The following CREB3L2 variants were observed in gnomAD, a reference collection of about 807,000 sequenced individuals.
CREB3L2 encodes the protein cyclic AMP-responsive element-binding protein 3-like protein 2.
Under a neutral mutation model 57.2 loss-of-function variants are expected in CREB3L2, and 23 were observed. That is an observed-to-expected ratio of 0.40 (90% CI 0.29 to 0.57). CREB3L2 has a LOEUF of 0.57. CREB3L2 is among the 20% of genes least tolerant of loss of function. The pLI is 0.42. For synonymous variants in CREB3L2, 268 were observed against 265.1 expected, an observed-to-expected ratio of 1.01 and a Z score of -0.11; for missense variants, 628 against 634.7, an observed-to-expected ratio of 0.99 and a Z score of 0.11.
intron 1 of CREB3L2, among the ~76,000 whole-genome samples, chr7:137,996,922 A>T (rs1801997178): frequency 6.6e-6 from 1 of 152,392 alleles, no homozygotes; most frequent in Admixed American, 6.5e-5. Flanking sequence ...TTAAAAGGAT[A>T]TAATCATGGC....
Position 137,928,366 on chromosome 7 carries a change from G to C in CREB3L2, c.103C>G (p.His35Asp). 6.2e-7 allele frequency: 1 copy of C among 1,612,916 alleles called. No homozygotes were observed. The highest frequency in any genetic ancestry group is 1.1e-5 in the South Asian group (1 of 90,912). The change falls in exon 2 of 12, where the codon CAC becomes GAC. Residue 35 changes from histidine to aspartate, a missense_variant and splice_region_variant. This residue lies in a region of CREB3L2 where 339 missense variants were observed against 355.4 expected (regional missense o/e 0.95). Coordinates refer to ENST00000330387, the MANE Select transcript of CREB3L2 (RefSeq NM_194071.4). ...AACTCATCCAGAAGTTCTGAGAAGT[G>C]CTACAAGAAACAAAGGAGGAAGAAC... ...GDGEALMYHTHFSELLDEFSQ... is the reference protein window; with the variant it reads ...GDGEALMYHTDFSELLDEFSQ...
chr7:137,899,532 G>A (rs1799709518), intron 8 of CREB3L2, among the ~76,000 whole-genome samples: 1 of 138,682 alleles, frequency 7.2e-6, no homozygotes, highest in Non-Finnish European at 1.5e-5. Context: ...AGGATCCAGA[G>A]AAACAGAGCC....
chr7:137,934,932 C>T (rs1412951598), intron 1 of CREB3L2, among the ~76,000 whole-genome samples: 1 of 152,204 alleles, frequency 6.6e-6, no homozygotes, highest in Non-Finnish European at 1.5e-5. Flanking sequence ...AGTTTTATCT[C>T]CCCATTATCT....
At chr7:137,930,398 C>G (rs909056441) in intron 1 of CREB3L2, among the ~76,000 whole-genome samples, 1 of 152,120 alleles carries the variant, frequency 6.6e-6, no homozygotes, top group Non-Finnish European at 1.5e-5. Flanking sequence ...GTAAGCAATA[C>G]AATTCTTGGG....
At chr7:137,939,310 G>C (rs1211651655) in intron 1 of CREB3L2, among the ~76,000 whole-genome samples, 2 of 152,152 alleles carry the variant, frequency 1.3e-5, no homozygotes. Flanking sequence ...GAGTAGGGCA[G>C]GACCCCTTCC....
intron 1 of CREB3L2, among the ~76,000 whole-genome samples, chr7:137,933,039 G>C (rs1800690157): frequency 6.6e-6 from 1 of 152,172 alleles, no homozygotes; most frequent in Non-Finnish European, 1.5e-5. Flanking sequence ...CAGTGGCAAG[G>C]CTAAGATTAG....
At chr7:137,925,631 G>A (rs1166564541) in intron 2 of CREB3L2, among the ~76,000 whole-genome samples, 1 of 152,078 alleles carries the variant, frequency 6.6e-6, no homozygotes, top group African/African-American at 2.4e-5. Context: ...ACCTTAAGGG[G>A]GATGCAAACT....
intron 2 of CREB3L2, among the ~76,000 whole-genome samples, chr7:137,926,006 G>A (rs778777825): frequency 6.6e-6 from 1 of 152,248 alleles, no homozygotes; most frequent in Non-Finnish European, 1.5e-5. Flanking sequence ...GAACTGAATG[G>A]TGAATGCTTT....
intron 8 of CREB3L2, among the ~76,000 whole-genome samples, chr7:137,898,594 G>A (rs1243147488): frequency 1.3e-5 from 2 of 152,198 alleles, no homozygotes; most frequent in Non-Finnish European, 2.9e-5. Flanking sequence ...ATACATTGTG[G>A]AGAACCGAAT....
chr7:137,892,801 G>A (rs896963923), intron 8 of CREB3L2, among the ~76,000 whole-genome samples: 1 of 152,064 alleles, frequency 6.6e-6, no homozygotes, highest in African/African-American at 2.4e-5. Context: ...AGGTGAGAAG[G>A]GGGTGTCCAA....
At chr7:137,945,743 G>A (rs1002987077) in intron 1 of CREB3L2, among the ~76,000 whole-genome samples, 10 of 152,188 alleles carry the variant, frequency 6.6e-5, no homozygotes, top group African/African-American at 1.2e-4. Flanking sequence ...AGGTGAACAC[G>A]CAGGTTTTGT....
At chr7:137,963,139 T>C (rs1434627556) in intron 1 of CREB3L2, among the ~76,000 whole-genome samples, 2 of 152,160 alleles carry the variant, frequency 1.3e-5, no homozygotes, top group Admixed American at 1.3e-4. Context: ...AAAGTCTAGA[T>C]AAGGGTTATG....
Position 137,896,749 on chromosome 7 carries a change from C to A in CREB3L2, c.1043+4605G>T, listed in dbSNP as rs190995418. Among the ~76,000 whole-genome samples the A allele has an allele frequency of 3.3e-5, 5 of 152,292 alleles. No individual in the cohort carries two copies. In the East Asian group the frequency reaches 9.7e-4, roughly 29 times the overall value. ...GGAGAAGAAATGGGAGAAGAAGACA[C>A]ACAGAGCCACTGCGCTCCTGAGACT... On this transcript the variant is annotated intron_variant, in intron 8 of 11. Transcript: ENST00000330387.
At chr7:137,883,404 C>T (rs571308449) in intron 10 of CREB3L2, among the ~76,000 whole-genome samples, 6 of 152,192 alleles carry the variant, frequency 3.9e-5, no homozygotes, top group East Asian at 1.9e-4. Flanking sequence ...CCCCAGTGGA[C>T]GGCTGAAACC....
intron 2 of CREB3L2, among the ~76,000 whole-genome samples, chr7:137,916,884 T>C (rs999409417): frequency 2.0e-5 from 3 of 152,140 alleles, no homozygotes; most frequent in Non-Finnish European, 4.4e-5. Context: ...TGAGAGAACA[T>C]GGTGAGTAGG....
chr7:137,943,396 TCTCTG>T (rs754933063), intron 1 of CREB3L2, among the ~76,000 whole-genome samples: 1 of 152,114 alleles, frequency 6.6e-6, no homozygotes, highest in Non-Finnish European at 1.5e-5. Flanking sequence ...TACTGGGTGA[TCTCTG>T]CCCTTTCAAC....
intron 1 of CREB3L2, among the ~76,000 whole-genome samples, chr7:138,000,131 T>C (rs980779158): frequency 4.6e-5 from 7 of 152,182 alleles, no homozygotes; most frequent in African/African-American, 1.4e-4. Context: ...CCCCTAGCTG[T>C]GGCATTGCAG....
At chr7:137,955,403 CT>C in intron 1 of CREB3L2, 1 of 825,862 alleles carries the variant, frequency 1.2e-6, no homozygotes, top group Non-Finnish European at 1.8e-6. Flanking sequence ...GCACGGCCAC[CT>C]CACTCCTCTC....
chr7:137,987,616 G>A (rs952982149), intron 1 of CREB3L2, among the ~76,000 whole-genome samples: 2 of 152,182 alleles, frequency 1.3e-5, no homozygotes, highest in African/African-American at 4.8e-5. Flanking sequence ...GTGTTGGGGA[G>A]ACAAGAGATA....
Sources: gnomAD v4.1 joint callset for allele counts (sites outside exome capture counted in the v4.1 genomes callset) on GRCh38, gnomAD v4.1.1 for gene constraint, gnomAD v4.1.1 regional missense constraint, MANE v1.5 for transcripts, NCBI Gene and HGNC (gene_info 2026-07-23, HGNC 2026-07-21) for gene names.